The following COL4A6 variants were observed in gnomAD, a reference collection of about 807,000 sequenced individuals.
The protein encoded by COL4A6 is collagen type IV alpha 6 chain.
In COL4A6, 59 loss-of-function variants were observed where a neutral mutation model predicts 126.7. The ratio of observed to expected loss-of-function variants is 0.47; its 90% CI spans 0.38 to 0.58. The LOEUF is 0.58. COL4A6 is among the 20% of genes least tolerant of loss of function. The probability of loss-of-function intolerance (pLI) is 0.00; values close to 1 mark genes in which losing one functional copy is unlikely to be tolerated. For missense variants in COL4A6, 1,285 were observed against 1,337.3 expected (o/e 0.96, Z 0.61); for synonymous variants, 547 against 496.6 (o/e 1.10, Z -1.35).
chrX:108,273,951 T>C (rs1236517679), intron 3 of COL4A6, among the ~76,000 whole-genome samples: 1 of 112,306 alleles, frequency 8.9e-6, no homozygotes, highest in Admixed American at 9.4e-5. Context: ...TTTTCATGTG[T>C]ACTAGTTTTC....
chrX:108,256,293 T>C (rs757920898), intron 3 of COL4A6, among the ~76,000 whole-genome samples: 15 of 112,116 alleles, frequency 1.3e-4, no homozygotes, highest in Non-Finnish European at 2.4e-4. Flanking sequence ...GTTATGCACA[T>C]TTTGACTTGG....
chrX:108,206,663 T>C, intron 8 of COL4A6, 83 bp from the exon 9 acceptor site: 1 of 806,164 alleles, frequency 1.2e-6, no homozygotes, highest in Non-Finnish European at 1.9e-6. Flanking sequence ...ACGAGAACTG[T>C]ACAAGAATGT....
At chrX:108,162,334 G>C (rs1218826397) in intron 41 of COL4A6, among the ~76,000 whole-genome samples, 1 of 108,056 alleles carries the variant, frequency 9.3e-6, no homozygotes, top group African/African-American at 3.4e-5. Context: ...CTCGGTGACA[G>C]AGCAAGACTC....
At chrX:108,383,845 AGTCACATGCATGATATTGAT>A in intron 2 of COL4A6, 2 of 492,177 alleles carry the variant, frequency 4.1e-6, no homozygotes, top group Non-Finnish European at 7.3e-6. Context: ...ACCAGATGCA[AGTCACATGCATGATATTGAT>A]GTGGATCTCA....
intron 2 of COL4A6, among the ~76,000 whole-genome samples, chrX:108,366,902 T>C (rs1402840338): frequency 8.9e-6 from 1 of 112,200 alleles, no homozygotes; most frequent in Non-Finnish European, 1.9e-5. Context: ...TCATTCTTTC[T>C]TTTCAGTTGC....
chrX:108,303,790 C>T (rs1318579865), intron 3 of COL4A6, among the ~76,000 whole-genome samples: 1 of 111,611 alleles, frequency 9.0e-6, no homozygotes, highest in Non-Finnish European at 1.9e-5. Flanking sequence ...TTTCAGCTGT[C>T]AGGAGCATCT....
intron 3 of COL4A6, among the ~76,000 whole-genome samples, chrX:108,303,401 T>C (rs975091671): frequency 9.0e-6 from 1 of 111,420 alleles, no homozygotes; most frequent in African/African-American, 3.3e-5. Flanking sequence ...TAGGAGGAGA[T>C]AATATGTCGC....
chrX:108,190,326 C>T, intron 20 of COL4A6, 66 bp downstream of exon 20: 1 of 768,778 alleles, frequency 1.3e-6, no homozygotes, highest in Non-Finnish European at 1.9e-6. Context: ...TGTTGGTTTT[C>T]TCATTCCCCA....
intron 2 of COL4A6, among the ~76,000 whole-genome samples, chrX:108,372,045 T>C (rs2040341537): frequency 9.0e-6 from 1 of 111,016 alleles, no homozygotes. Context: ...AACCCCTACC[T>C]GTAAACAAGC....
At chrX:108,240,400 A>C (rs2036542740) in intron 3 of COL4A6, among the ~76,000 whole-genome samples, 1 of 112,469 alleles carries the variant, frequency 8.9e-6, no homozygotes, top group South Asian at 3.7e-4. Flanking sequence ...GTAGAATTTA[A>C]AATTTTTATC....
intron 28 of COL4A6, 108 bp downstream of exon 28, chrX:108,176,733 A>T (rs2034502523): frequency 2.3e-6 from 2 of 886,792 alleles, no homozygotes; most frequent in African/African-American, 4.0e-5. Flanking sequence ...AGCCCTGTCC[A>T]AGTCCCTCCC....
chrX:108,431,019 C>T (rs1329180723), intron 2 of COL4A6, among the ~76,000 whole-genome samples: 3 of 111,245 alleles, frequency 2.7e-5, no homozygotes, highest in African/African-American at 9.8e-5. Context: ...TGATAATCAT[C>T]ACTATATAGG....
rs765946476 is a variant in COL4A6 at position 108,174,504 on chromosome X, C to T, written c.3074G>A (p.Arg1025Gln). 22 of 1,209,035 alleles carry T rather than the reference C, an allele frequency of 1.8e-5. 1 individual carries two copies. Among genetic ancestry groups the T allele is most frequent in the East Asian group, 5.9e-5 (2 of 33,680 alleles). ...KPGPPGFMGI[R>Q]GLPGLKGSSG... ...GGACCCCTTCAGGCCAGGTAAGCCCCGGATTCCCATGAAGCCAGGGGGCCC... is the reference window on the plus strand; with the variant it reads ...GGACCCCTTCAGGCCAGGTAAGCCCTGGATTCCCATGAAGCCAGGGGGCCC... The change falls in exon 31 of 45, where the codon CGG becomes CAG. Residue 1025 changes from arginine (R) to glutamine (Q), a missense_variant. Transcript: ENST00000334504.
chrX:108,255,614 T>G (rs781349621), intron 3 of COL4A6, among the ~76,000 whole-genome samples: 1 of 110,651 alleles, frequency 9.0e-6, no homozygotes, highest in South Asian at 3.9e-4. Flanking sequence ...AATCTGTTTT[T>G]CAGTCCTCTC....
At chrX:108,336,456 T>A (rs1006880377) in intron 2 of COL4A6, among the ~76,000 whole-genome samples, 1 of 111,029 alleles carries the variant, frequency 9.0e-6, no homozygotes, top group Non-Finnish European at 1.9e-5. Context: ...AGACAAAAGA[T>A]TAGTGGTTGC....
intron 2 of COL4A6, among the ~76,000 whole-genome samples, chrX:108,339,383 C>G (rs139490828): frequency 0.016 from 1,800 of 111,644 alleles, 30 homozygotes; most frequent in Middle Eastern, 0.14. Context: ...TCCTCCTTTC[C>G]TTTTTGATCT....
intron 2 of COL4A6, among the ~76,000 whole-genome samples, chrX:108,403,269 TCTCTCTC>T (rs2041133078): frequency 1.0e-5 from 1 of 100,096 alleles, no homozygotes; most frequent in African/African-American, 3.9e-5. Flanking sequence ...TCTCTCTCTC[TCTCTCTC>T]TCTCTCATCT....
intron 2 of COL4A6, among the ~76,000 whole-genome samples, chrX:108,430,497 C>T (rs954787247): frequency 9.0e-6 from 1 of 111,426 alleles, no homozygotes; most frequent in Non-Finnish European, 1.9e-5. Flanking sequence ...CAGAAGATAC[C>T]ATAATTGGGT....
intron 2 of COL4A6, among the ~76,000 whole-genome samples, chrX:108,362,080 TGAGA>T (rs1211940117): frequency 2.8e-5 from 3 of 105,954 alleles, no homozygotes; most frequent in Non-Finnish European, 5.8e-5. Flanking sequence ...TGTGTGTGTG[TGAGA>T]GAGAGAAAGA....
Sources: gnomAD v4.1 joint callset for allele counts (sites outside exome capture counted in the v4.1 genomes callset) on GRCh38, gnomAD v4.1.1 for gene constraint, MANE v1.5 for transcripts, NCBI Gene and HGNC (gene_info 2026-07-23, HGNC 2026-07-21) for gene names.